OPA3: variants seen among roughly 807,000 people sequenced by gnomAD.
The protein encoded by OPA3 is outer mitochondrial membrane lipid metabolism regulator OPA3, also known as optic atrophy 3 protein.
Under a neutral mutation model 4.0 loss-of-function variants are expected in OPA3, and 6 were observed. The observed-to-expected ratio is 1.51, with a 90% confidence interval of 0.83 to 2.99. OPA3 has a LOEUF of 2.99. OPA3 is among the 30% of genes most tolerant of loss of function. The pLI, the probability that OPA3 is intolerant of heterozygous loss-of-function variation, is 0.00. For synonymous variants in OPA3, 105 were observed against 117.1 expected (o/e 0.90, Z 0.67); for missense variants, 235 against 256.2 (o/e 0.92, Z 0.56).
At chr19:45,529,051 ACCT>A (rs750700198) in exon 2 of OPA3, 16 of 1,597,980 alleles carry the variant, frequency 1.0e-5, no homozygotes, top group East Asian at 2.2e-5. Context: ...GGGCCCCGAG[ACCT>A]CCTATTTCTC....
chr19:45,566,637 A>AT (rs58214401), intron 1 of OPA3, among the ~76,000 whole-genome samples: 20,273 of 145,654 alleles, frequency 0.14, 1,610 homozygotes, highest in East Asian at 0.25. Flanking sequence ...TGCCCAGCTA[A>AT]TTTTTTTTTT....
intron 1 of OPA3, among the ~76,000 whole-genome samples, chr19:45,572,619 G>T (rs1298489266): frequency 8.0e-6 from 1 of 124,386 alleles, no homozygotes. Context: ...TATATATCAT[G>T]ATATATGTAT....
At chr19:45,533,349 T>C (rs535344649) in intron 1 of OPA3, among the ~76,000 whole-genome samples, 5 of 151,946 alleles carry the variant, frequency 3.3e-5, no homozygotes, top group Admixed American at 2.6e-4. Flanking sequence ...CATTTGCCAC[T>C]ATGCCCGGCT....
At chr19:45,582,451 G>C (rs1319010865) in intron 1 of OPA3, among the ~76,000 whole-genome samples, 3 of 151,914 alleles carry the variant, frequency 2.0e-5, no homozygotes, top group Non-Finnish European at 4.4e-5. Context: ...CGAGCCAATG[G>C]GCCCAGCTGG....
intron 1 of OPA3, among the ~76,000 whole-genome samples, chr19:45,580,293 CTTTT>C (rs539421587): frequency 3.3e-5 from 4 of 121,778 alleles, no homozygotes; most frequent in Admixed American, 8.6e-5. Context: ...TGCACCCGGC[CTTTT>C]TTTTTTTTTT....
At chr19:45,566,982 T>C (rs1473977571) in intron 1 of OPA3, among the ~76,000 whole-genome samples, 3 of 152,088 alleles carry the variant, frequency 2.0e-5, no homozygotes, top group African/African-American at 7.2e-5. Context: ...AAACAAAGCA[T>C]GGCATATTCA....
rs1969614500 is a variant in OPA3 at position 45,568,436 on chromosome 19, C to T, written c.143-14525G>A. 2.0e-5 allele frequency among the ~76,000 whole-genome samples: 3 copies of T among 152,062 alleles called. No homozygotes were observed. The South Asian group carries it at 6.2e-4, about 31-fold the overall frequency. On this transcript the variant is annotated intron_variant, in intron 1 of 1. Coordinates refer to ENST00000263275, the MANE Select transcript of OPA3 (RefSeq NM_025136.4). ...AACTCCTGACCTCAGGTGATCCGCC[C>T]ACCTCGGCCTCCCAAATTGCTAGGA... is the stretch of plus-strand genomic sequence containing the variant.
intron 1 of OPA3, among the ~76,000 whole-genome samples, chr19:45,583,203 T>A (rs1488358269): frequency 6.6e-6 from 1 of 151,426 alleles, no homozygotes; most frequent in Non-Finnish European, 1.5e-5. Context: ...CAGGCTGGAG[T>A]ACAGTGTTAC....
At position 45,554,051 on chromosome 19, in the gene OPA3, G is replaced by A. The variant is rs545029259; in HGVS notation, c.143-140C>T. ...CCAGATGATTCTAGCGAGCAGCCAG[G>A]AATAAGAAACACTGCCCCAGAAGGG... On this transcript the variant is annotated intron_variant, in intron 1 of 1. Coordinates refer to ENST00000263275, the MANE Select transcript of OPA3 (RefSeq NM_025136.4). 245 of 696,874 alleles carry A rather than the reference G, an allele frequency of 3.5e-4. 3 individuals are homozygous for A. In the South Asian group the frequency reaches 4.7e-3, roughly 13 times the overall value. 43.2% of individuals were successfully genotyped at this position (696,874 alleles called of 1,614,324 possible).
rs1411657600 is a variant in OPA3, at chr19:45,584,663, G to C, written c.102C>G (p.Ser34Arg). 1 of 1,614,078 alleles carries C rather than the reference G, an allele frequency of 6.2e-7. No individual in the cohort carries two copies. The highest frequency in any genetic ancestry group is 1.3e-5 in the African/African-American group (1 of 74,934). Residue 34 changes from serine (S) to arginine (R), a missense_variant, in exon 1 of 2, where the codon AGC becomes AGG. By Grantham distance (110) the Ser-to-Arg change is moderately radical. Transcript: ENST00000263275. ...ANRIKEAARR[S>R]EFFKTYICLP... ...GGCAGATATAGGTCTTGAAGAACTC[G>C]CTTCGGCGGGCGGCCTCCTTAATAC... is the stretch of plus-strand genomic sequence containing the variant.
intron 1 of OPA3, among the ~76,000 whole-genome samples, chr19:45,577,866 G>T (rs1969791938): frequency 6.6e-6 from 1 of 152,166 alleles, no homozygotes; most frequent in Admixed American, 6.5e-5. Context: ...CAGAGGACTG[G>T]CTCCAATGTC....
Position 45,546,448 on chromosome 19 carries a change from G to T in OPA3, c.*7066C>A. ...GAATTATACACTTTTAAAATACATA[G>T]AATTGTAAATTATTGTATAAATATG... On this transcript the variant is annotated 3_prime_UTR_variant, in exon 2 of 2. Coordinates refer to ENST00000263275, the MANE Select transcript of OPA3 (RefSeq NM_025136.4). The T allele has an allele frequency of 1.7e-6, 1 of 590,604 alleles. No homozygotes were observed. Among genetic ancestry groups the T allele is most frequent in the Non-Finnish European group, 2.1e-6 (1 of 471,390 alleles). 36.6% of individuals were successfully genotyped at this position (590,604 alleles called of 1,614,324 possible).
In OPA3 at chr19:45,548,635, A is replaced by C; in HGVS notation, c.*4879T>G. Reference sequence around the variant, plus strand: ...GGGTGGGGCAGAGAGTGGGTAACTCAGTGAGTTTTGTGTTTTATTTTTTTT... The same window carrying C: ...GGGTGGGGCAGAGAGTGGGTAACTCCGTGAGTTTTGTGTTTTATTTTTTTT... On this transcript the variant is annotated 3_prime_UTR_variant, in exon 2 of 2. Transcript: ENST00000263275. The C allele has an allele frequency of 1.0e-6, 1 of 981,344 alleles. No homozygotes were observed. Among genetic ancestry groups the C allele is most frequent in the Non-Finnish European group, 1.2e-6 (1 of 829,160 alleles). 60.8% of individuals were successfully genotyped at this position (981,344 alleles called of 1,614,324 possible). A position where few individuals can be genotyped will look rare whatever the true frequency, so the allele number is the denominator to read the frequency against.
chr19:45,547,964 T>G lies in OPA3; in HGVS notation c.*5550A>C. 2 of 303,978 alleles carry G rather than the reference T, an allele frequency of 6.6e-6. No homozygotes were observed. The highest frequency in any genetic ancestry group is 2.3e-5 in the African/African-American group (1 of 44,214). 18.8% of individuals were successfully genotyped at this position (303,978 alleles called of 1,614,324 possible). A position where few individuals can be genotyped will look rare whatever the true frequency, so the allele number is the denominator to read the frequency against. On this transcript the variant is annotated 3_prime_UTR_variant, in exon 2 of 2. Transcript: ENST00000263275. ...GGCCCGCCTCGGCCTCCCAAAGTGC[T>G]GAGATTACAGGTGTGAGCCACCACG...
intron 1 of OPA3, among the ~76,000 whole-genome samples, chr19:45,567,245 C>T (rs533328650): frequency 2.0e-5 from 3 of 150,346 alleles, no homozygotes; most frequent in South Asian, 2.1e-4. Flanking sequence ...GAGGCTGAGG[C>T]AGGAGGATCG....
In OPA3 at chr19:45,584,765, CT is replaced by C; in HGVS notation, c.-2del. ...CCATAGGGAACGCGCCCACCACCAT[CT>C]TGGCGGTCTCACAGGGCACGCGCAA... On this transcript the variant is annotated 5_prime_UTR_variant, in exon 1 of 2. Coordinates refer to ENST00000263275, the MANE Select transcript of OPA3 (RefSeq NM_025136.4). The C allele has an allele frequency of 6.2e-7, 1 of 1,613,730 alleles. No individual in the cohort carries two copies. Among genetic ancestry groups the C allele is most frequent in the Non-Finnish European group, 8.5e-7 (1 of 1,180,032 alleles).
rs887375481 is a variant in OPA3 at position 45,550,589 on chromosome 19, C to T, written c.*2925G>A. On this transcript the variant is annotated 3_prime_UTR_variant, in exon 2 of 2. Transcript: ENST00000263275. ...ACTTCACCACCCTGGGCAGTCAGCCCCTCACTGGCTGTGGCATCTCTGGCA... is the reference window on the plus strand; with the variant it reads ...ACTTCACCACCCTGGGCAGTCAGCCTCTCACTGGCTGTGGCATCTCTGGCA... The T allele has an allele frequency of 5.1e-6, 5 of 986,180 alleles. No homozygotes were observed. The South Asian group carries it at 2.3e-4, about 46-fold the overall frequency. 61.1% of individuals were successfully genotyped at this position (986,180 alleles called of 1,614,324 possible). A position where few individuals can be genotyped will look rare whatever the true frequency, so the allele number is the denominator to read the frequency against.
At chr19:45,541,660 G>A (rs1318453109), downstream of OPA3, among the ~76,000 whole-genome samples, 1 of 152,080 alleles carries the variant, frequency 6.6e-6, no homozygotes, top group Non-Finnish European at 1.5e-5. Flanking sequence ...GACCTCCTGG[G>A]CTCAAGCAAA....
chr19:45,537,054 A>AC (rs1353940026), intron 1 of OPA3, among the ~76,000 whole-genome samples: 2 of 152,102 alleles, frequency 1.3e-5, no homozygotes, highest in Non-Finnish European at 2.9e-5. Flanking sequence ...ACATGGTGAA[A>AC]CCCCATCTCT....
Sources: gnomAD v4.1 joint callset for allele counts (sites outside exome capture counted in the v4.1 genomes callset) on GRCh38, gnomAD v4.1.1 for gene constraint, MANE v1.5 for transcripts, NCBI Gene and HGNC (gene_info 2026-07-23, HGNC 2026-07-21) for gene names.